SPATA24: variants seen among roughly 807,000 people sequenced by gnomAD.
The protein encoded by SPATA24 is spermatogenesis associated 24.
SPATA24 carries 21 observed loss-of-function variants against 28.9 expected under a neutral mutation model. The observed-to-expected ratio is 0.73, with a 90% CI of 0.52 to 1.05. The LOEUF (loss-of-function observed/expected upper bound fraction) is 1.05. SPATA24 is among the 50% of genes least tolerant of loss of function. SPATA24 has a pLI of 0.00. For synonymous variants in SPATA24, 76 were observed against 89.9 expected (o/e 0.85, Z 0.88); for missense variants, 215 against 242.9 (o/e 0.88, Z 0.76).
chr5:139,402,193 A>T, intron 2 of SPATA24, 148 bp from the exon 3 acceptor site: 1 of 980,640 alleles, frequency 1.0e-6, no homozygotes. Context: ...GGAGGTTCTC[A>T]GAGGCCGACC....
downstream of SPATA24, chr5:139,395,168 G>C (rs2152077262): frequency 6.9e-6 from 9 of 1,296,086 alleles, no homozygotes; most frequent in Non-Finnish European, 9.0e-6. Context: ...CGAGGATGCC[G>C]TGGGGGTCAC....
intron 2 of SPATA24, 37 bp downstream of exon 2, chr5:139,402,591 G>C: frequency 6.5e-7 from 1 of 1,532,906 alleles, no homozygotes; most frequent in South Asian, 1.2e-5. Flanking sequence ...CCTGGGAAAC[G>C]GGGGAAGATT....
At chr5:139,395,050 G>A (rs547099804), downstream of SPATA24, 3,550 of 1,420,880 alleles carry the variant, frequency 2.5e-3, 4 homozygotes, top group Non-Finnish European at 3.0e-3. Context: ...CGGGATCCCA[G>A]GCAGGGCTGG....
Position 139,399,017 on chromosome 5 carries a change from C to T in SPATA24, c.386-1874G>A, listed in dbSNP as rs1454354538. Among the ~76,000 whole-genome samples the T allele has an allele frequency of 4.6e-5, 5 of 108,314 alleles. 2 individuals carry two copies. The highest frequency in any genetic ancestry group is 2.6e-4 in the African/African-American group (5 of 19,050). The allele number at this position is 108,314 out of a possible 152,430, so 71.1% of individuals were successfully genotyped here. A position where few individuals can be genotyped will look rare whatever the true frequency, so the allele number is the denominator to read the frequency against. On this transcript the variant is annotated intron_variant, in intron 4 of 5. Coordinates refer to ENST00000450845, the MANE Select transcript of SPATA24 (RefSeq NM_194296.2). ...TCAGCCTGGGTGACAGAGCGAGATT[C>T]CGCTTCAAAAAAAAAAAAGGCCAGG...
intron 1 of SPATA24, 92 bp downstream of exon 1, chr5:139,403,852 G>C: frequency 8.9e-7 from 1 of 1,129,434 alleles, no homozygotes; most frequent in Non-Finnish European, 1.3e-6. Context: ...ATGCGTTCTA[G>C]CCACGGCCCC....
chr5:139,396,947 G>A lies in SPATA24; in HGVS notation c.489-18C>T. 2 of 1,551,656 alleles carry A rather than the reference G, an allele frequency of 1.3e-6. No homozygotes were observed. The highest frequency in any genetic ancestry group is 8.7e-7 in the Non-Finnish European group (1 of 1,146,938). On this transcript the variant is annotated intron_variant, in intron 5 of 5. Coordinates refer to ENST00000450845, the MANE Select transcript of SPATA24 (RefSeq NM_194296.2). ...TGTGATTCCTGCAACGGAGCCGGCT[G>A]GTGGTGGGCTGTGGACAGCCAAGGG...
downstream of SPATA24, chr5:139,394,120 C>G (rs770436106): frequency 1.4e-4 from 216 of 1,547,754 alleles, 2 homozygotes; most frequent in South Asian, 8.6e-4. Flanking sequence ...CCGAATCGCG[C>G]GCTCGCGGAG....
chr5:139,393,412 G>A, downstream of SPATA24: 1 of 1,551,686 alleles, frequency 6.4e-7, no homozygotes, highest in Middle Eastern at 1.7e-4. Context: ...TGTTGGTTCT[G>A]GAGTGCCGGG....
chr5:139,401,771 G>A lies in SPATA24; in HGVS notation c.369C>T (p.Leu123=), dbSNP rs1758826843. 6.4e-7 allele frequency: 1 copy of A among 1,551,610 alleles called. No homozygotes were observed. The highest frequency in any genetic ancestry group is 8.7e-7 in the Non-Finnish European group (1 of 1,147,024). ...VLQESSKKDQ[L]ITKCNEIESH... is the part of the protein sequence containing the mutation. ...CCCGCCTACCATTGCACTTGGTGAT[G>A]AGCTGGTCCTTCTTGCTGGACTCCT... The change falls in exon 4 of 6, where the codon CTC becomes CTT. Residue 123 remains leucine (L), a synonymous_variant. Transcript: ENST00000450845.
chr5:139,397,751 C>T (rs1273254537), intron 4 of SPATA24, among the ~76,000 whole-genome samples: 4 of 152,144 alleles, frequency 2.6e-5, no homozygotes, highest in Non-Finnish European at 4.4e-5. Context: ...GATGGGGTTT[C>T]ACCATGTTGG....
At chr5:139,398,810 G>A (rs377354156) in intron 4 of SPATA24, among the ~76,000 whole-genome samples, 24,993 of 92,078 alleles carry the variant, frequency 0.27, 5,115 homozygotes, top group African/African-American at 0.51. Context: ...GATCACCTGA[G>A]GTCAGGAGTT....
At chr5:139,396,419 A>G (rs576320615), downstream of SPATA24, 6 of 1,086,798 alleles carry the variant, frequency 5.5e-6, no homozygotes, top group Non-Finnish European at 5.6e-6. Context: ...CAGGTATAAC[A>G]TTATTGTCAT....
At chr5:139,393,113 C>T (rs1312586298), downstream of SPATA24, 2 of 1,527,826 alleles carry the variant, frequency 1.3e-6, no homozygotes, top group African/African-American at 1.4e-5. Flanking sequence ...CCCTCCTCCC[C>T]GCAGGGGTCG....
At chr5:139,392,923 GC>G, downstream of SPATA24, 1 of 1,528,782 alleles carries the variant, frequency 6.5e-7, no homozygotes, top group Non-Finnish European at 8.8e-7. This position sits in a 1 kb window ranked among gnomAD's most constrained non-coding sequence, Gnocchi z 5.8. Context: ...GCTGTTCTCT[GC>G]CCTCCGCCGC....
chr5:139,392,884 A>G (rs778701207), downstream of SPATA24: 43 of 1,544,204 alleles, frequency 2.8e-5, no homozygotes, highest in African/African-American at 5.2e-4. This position sits in a 1 kb window ranked among gnomAD's most constrained non-coding sequence, Gnocchi z 5.8. Context: ...AGGCAGGCGG[A>G]TCTCTGTGCG....
downstream of SPATA24, chr5:139,395,011 C>A (rs1223649192): frequency 1.4e-6 from 2 of 1,472,066 alleles, no homozygotes; most frequent in South Asian, 1.3e-5. Context: ...GGAGTCCTGG[C>A]GCCGCGCGGG....
At chr5:139,394,302 G>C (rs200694387), downstream of SPATA24, 16,123 of 1,511,320 alleles carry the variant, frequency 0.011, 116 homozygotes, top group Non-Finnish European at 0.012. Flanking sequence ...GGGCCTCGGG[G>C]CTCAGTTTTC....
At chr5:139,396,951 G>A in intron 5 of SPATA24, 22 bp from the exon 6 acceptor site, 1 of 1,551,648 alleles carries the variant, frequency 6.4e-7, no homozygotes, top group Non-Finnish European at 8.7e-7. Flanking sequence ...CCGGCTGGTG[G>A]TGGGCTGTGG....
downstream of SPATA24, chr5:139,394,394 G>A (rs978570324): frequency 2.5e-5 from 35 of 1,392,452 alleles, no homozygotes; most frequent in African/African-American, 3.1e-5. Flanking sequence ...CGCAGGAGCA[G>A]CCGGGGGCGC....
Sources: allele counts gnomAD v4.1 joint callset (sites outside exome capture counted in the v4.1 genomes callset), GRCh38; gene constraint gnomAD v4.1.1; non-coding constraint Gnocchi (gnomAD v3.1); transcripts MANE v1.5; gene names NCBI Gene and HGNC (gene_info 2026-07-23, HGNC 2026-07-21).